Variants in RAB31 observed in about 807,000 individuals in gnomAD.
The protein encoded by RAB31 is ras-related protein Rab-31.
In RAB31, 21 loss-of-function variants were observed where a neutral mutation model predicts 25.6. The ratio of observed to expected loss-of-function variants is 0.82; its 90% CI spans 0.58 to 1.18. The LOEUF is 1.18. RAB31 is among the 50% of genes most tolerant of loss of function. The pLI, the probability that RAB31 is intolerant of heterozygous loss-of-function variation, is 0.00. For synonymous variants in RAB31, 87 were observed against 84.0 expected, an observed-to-expected ratio of 1.04 and a Z score of -0.20; for missense variants, 196 against 250.1, an observed-to-expected ratio of 0.78 and a Z score of 1.46.
At chr18:9,765,698 G>A (rs1198656516) in intron 1 of RAB31, among the ~76,000 whole-genome samples, 1 of 152,142 alleles carries the variant, frequency 6.6e-6, no homozygotes, top group East Asian at 1.9e-4. Context: ...TGGGATCCAG[G>A]TGCAAAGTAC....
chr18:9,758,322 C>T (rs974254343), intron 1 of RAB31, among the ~76,000 whole-genome samples: 7 of 152,172 alleles, frequency 4.6e-5, no homozygotes, highest in African/African-American at 1.7e-4. Context: ...ACCCAGGCCC[C>T]TCCATCCACA....
intron 1 of RAB31, among the ~76,000 whole-genome samples, chr18:9,716,910 TTTTC>T (rs71168100): frequency 1.5e-4 from 19 of 128,890 alleles, no homozygotes; most frequent in East Asian, 8.2e-4. Context: ...ACTTGGCTAA[TTTTC>T]TTTCTTTCTT....
intron 2 of RAB31, among the ~76,000 whole-genome samples, chr18:9,778,830 A>G (rs2068387464): frequency 6.6e-6 from 1 of 152,214 alleles, no homozygotes; most frequent in African/African-American, 2.4e-5. Context: ...ATTGACCTGA[A>G]GCCTTATGGA....
rs2068317013 is a variant in RAB31 at position 9,766,476 on chromosome 18, T to G, written c.40-8802T>G. Among the ~76,000 whole-genome samples the G allele has an allele frequency of 6.6e-6, 1 of 152,224 alleles. No individual in the cohort carries two copies. The highest frequency in any genetic ancestry group is 2.4e-5 in the African/African-American group (1 of 41,464). On this transcript the variant is annotated intron_variant, in intron 1 of 6. Transcript: ENST00000578921. The surrounding 1 kb of genome is among the most constrained non-coding windows in gnomAD (Gnocchi z 4.3). ...TGTGTATGCTGGTGTCCCAGGTGCC[T>G]GATGGGACCTTTACTTCTTTTGGTC...
intron 1 of RAB31, among the ~76,000 whole-genome samples, chr18:9,742,809 C>G (rs938944705): frequency 6.6e-6 from 1 of 152,106 alleles, no homozygotes; most frequent in Admixed American, 6.5e-5. Flanking sequence ...TTTTCCCCAG[C>G]GAAATGGAAC....
chr18:9,730,414 A>C (rs1443848021), intron 1 of RAB31, among the ~76,000 whole-genome samples: 1 of 151,758 alleles, frequency 6.6e-6, no homozygotes, highest in Non-Finnish European at 1.5e-5. Flanking sequence ...AGCCTCCCAA[A>C]TAGCTGGAAT....
intron 5 of RAB31, among the ~76,000 whole-genome samples, chr18:9,839,139 A>C (rs2068719663): frequency 6.6e-6 from 1 of 152,188 alleles, no homozygotes; most frequent in East Asian, 1.9e-4. Context: ...TGGTATGACG[A>C]TAGGAGTATG....
chr18:9,800,921 A>C (rs1177560626), intron 3 of RAB31, among the ~76,000 whole-genome samples: 2 of 152,260 alleles, frequency 1.3e-5, no homozygotes, highest in East Asian at 3.9e-4. Context: ...ATTTTAGAGC[A>C]TTTTTATCAG....
At chr18:9,809,934 C>T (rs1376585090) in intron 3 of RAB31, among the ~76,000 whole-genome samples, 2 of 152,196 alleles carry the variant, frequency 1.3e-5, no homozygotes, top group Non-Finnish European at 2.9e-5. Context: ...TGTCCATCTG[C>T]GAAAGCTGAG....
intron 6 of RAB31, among the ~76,000 whole-genome samples, chr18:9,848,554 A>G (rs2068773330): frequency 6.6e-6 from 1 of 152,238 alleles, no homozygotes; most frequent in African/African-American, 2.4e-5. Flanking sequence ...CACAATTCCA[A>G]GTACACCTAA....
rs537551552 is a variant in RAB31 at position 9,708,823 on chromosome 18, C to A, written c.39+379C>A. On this transcript the variant is annotated intron_variant, in intron 1 of 6. Transcript: ENST00000578921. The surrounding 1 kb of genome is among the most constrained non-coding windows in gnomAD (Gnocchi z 6.4). ...GCGGCGACCTCGCGGGGACCCCCAG[C>A]GGGGACGGGGCAGTGGCGGCGAGTC... 1.5e-4 allele frequency among the ~76,000 whole-genome samples: 23 copies of A among 152,304 alleles called. No homozygotes were observed. Among genetic ancestry groups the A allele is most frequent in the African/African-American group, 5.3e-4 (22 of 41,582 alleles).
rs1436412744 is a variant in RAB31 at position 9,860,682 on chromosome 18, G to A, written c.*1357G>A. 6.6e-6 allele frequency: 1 copy of A among 152,212 alleles called. No homozygotes were observed. Among genetic ancestry groups the A allele is most frequent in the East Asian group, 1.9e-4 (1 of 5,196 alleles). The allele number at this position is 152,212 out of a possible 1,614,324, so 9.4% of individuals were successfully genotyped here. ...ATTCTTAAAGGACATTAGGATTGGT[G>A]CTCAGAAATGGTTAATCATGCTGTG... On this transcript the variant is annotated 3_prime_UTR_variant, in exon 7 of 7. Transcript: ENST00000578921.
chr18:9,746,131 A>G (rs918596506), intron 1 of RAB31, among the ~76,000 whole-genome samples: 2 of 152,254 alleles, frequency 1.3e-5, no homozygotes, highest in African/African-American at 4.8e-5. Context: ...GCAGTGAACA[A>G]TTTGAAATTA....
chr18:9,810,109 ATAAT>A (rs1166696449), intron 3 of RAB31, among the ~76,000 whole-genome samples: 6 of 152,240 alleles, frequency 3.9e-5, no homozygotes, highest in African/African-American at 1.4e-4. Flanking sequence ...CCGTTTCTAA[ATAAT>A]TGAATGACAT....
At chr18:9,792,549 C>T (rs528868016) in intron 3 of RAB31, among the ~76,000 whole-genome samples, 1 of 152,276 alleles carries the variant, frequency 6.6e-6, no homozygotes, top group African/African-American at 2.4e-5. Flanking sequence ...ACTCACCCTC[C>T]CTCCTTACCT....
At chr18:9,845,753 G>A (rs762602468) in intron 6 of RAB31, 62 bp downstream of exon 6, 25 of 1,480,850 alleles carry the variant, frequency 1.7e-5, no homozygotes, top group Non-Finnish European at 2.1e-5. Context: ...GGAGTCAAAG[G>A]ATAACATTTT....
intron 5 of RAB31, among the ~76,000 whole-genome samples, chr18:9,842,548 C>T (rs558391605): frequency 7.2e-5 from 11 of 152,258 alleles, no homozygotes; most frequent in Admixed American, 6.5e-4. Flanking sequence ...AGTGATTGGT[C>T]GTTCTAATCT....
intron 2 of RAB31, among the ~76,000 whole-genome samples, chr18:9,779,944 G>A (rs778638835): frequency 4.6e-5 from 7 of 152,198 alleles, no homozygotes; most frequent in Non-Finnish European, 1.0e-4. Context: ...GGAGGCTGAG[G>A]CAGGTGGAAC....
At chr18:9,726,338 G>A (rs2068096074) in intron 1 of RAB31, among the ~76,000 whole-genome samples, 1 of 152,316 alleles carries the variant, frequency 6.6e-6, no homozygotes, top group Non-Finnish European at 1.5e-5. Flanking sequence ...GGGTCACTGT[G>A]CAAGCACTGC....
Sources: allele counts gnomAD v4.1 joint callset (sites outside exome capture counted in the v4.1 genomes callset), GRCh38; gene constraint gnomAD v4.1.1; non-coding constraint Gnocchi (gnomAD v3.1); transcripts MANE v1.5; gene names NCBI Gene and HGNC (gene_info 2026-07-23, HGNC 2026-07-21).